NPAS1: variants seen among roughly 807,000 people sequenced by gnomAD.
NPAS1 encodes neuronal PAS domain-containing protein 1.
Under a neutral mutation model 49.2 loss-of-function variants are expected in NPAS1, and 29 were observed. That is an observed-to-expected ratio of 0.59 (90% CI 0.44 to 0.80). The LOEUF (loss-of-function observed/expected upper bound fraction) is 0.80, where lower values mean the gene tolerates loss of function less well. NPAS1 is among the 30% of genes least tolerant of loss of function. NPAS1 has a pLI of 0.00. For synonymous variants in NPAS1, 408 were observed against 380.4 expected (o/e 1.07, Z -0.84); for missense variants, 825 against 835.5 (o/e 0.99, Z 0.15).
In NPAS1 at chr19:47,032,411, A is replaced by T. The variant is rs543678430; in HGVS notation, c.432+60A>T. On this transcript the variant is annotated intron_variant, in intron 4 of 11. Coordinates refer to ENST00000602212, the MANE Select transcript of NPAS1 (RefSeq NM_002517.4). ...GCTACCACCTAGCGGCCGCCTCTGG[A>T]GAACAGCAGCCTCTTCAGCATCCAT... 32 of 1,551,068 alleles carry T rather than the reference A, an allele frequency of 2.1e-5. No individual in the cohort carries two copies. The South Asian group carries it at 3.2e-4, about 16-fold the overall frequency.
intron 10 of NPAS1, among the ~76,000 whole-genome samples, chr19:47,042,245 G>T (rs963153694): frequency 6.6e-6 from 1 of 151,880 alleles, no homozygotes; most frequent in Admixed American, 6.6e-5. Flanking sequence ...GGAGGTGGAG[G>T]TTGCAGTGAG....
At position 47,045,695 on chromosome 19, in the gene NPAS1, T is replaced by C; in HGVS notation, c.*44T>C. The C allele has an allele frequency of 7.3e-7, 1 of 1,369,608 alleles. No homozygotes were observed. Among genetic ancestry groups the C allele is most frequent in the Non-Finnish European group, 9.4e-7 (1 of 1,059,450 alleles). The allele number at this position is 1,369,608 out of a possible 1,614,324, so 84.8% of individuals were successfully genotyped here. ...GCGCCGGACCCTGCGACAACCGGGGTCCCCCAGGACAGTAGGCCCGGCTCT... is the reference window on the plus strand; with the variant it reads ...GCGCCGGACCCTGCGACAACCGGGGCCCCCCAGGACAGTAGGCCCGGCTCT... On this transcript the variant is annotated 3_prime_UTR_variant, in exon 12 of 12. Coordinates refer to ENST00000602212, the MANE Select transcript of NPAS1 (RefSeq NM_002517.4).
intron 1 of NPAS1, among the ~76,000 whole-genome samples, chr19:47,020,369 G>A (rs1248183930): frequency 6.6e-6 from 1 of 152,062 alleles, no homozygotes; most frequent in East Asian, 1.9e-4. Flanking sequence ...GGCTGCGGCG[G>A]CTGCGTCCGG....
At chr19:47,025,676 A>G (rs1482924723) in intron 3 of NPAS1, among the ~76,000 whole-genome samples, 1 of 151,826 alleles carries the variant, frequency 6.6e-6, no homozygotes, top group East Asian at 1.9e-4. Context: ...ACTAGGCTCA[A>G]GAGTTCCTCT....
In NPAS1 at chr19:47,021,271, T is replaced by C. The variant is rs1192956406; in HGVS notation, c.122+102T>C. The C allele has an allele frequency of 1.5e-5, 16 of 1,077,068 alleles. No homozygotes were observed. The highest frequency in any genetic ancestry group is 1.7e-5 in the South Asian group (1 of 58,544). 66.7% of individuals were successfully genotyped at this position (1,077,068 alleles called of 1,614,324 possible). A position where few individuals can be genotyped will look rare whatever the true frequency, so the allele number is the denominator to read the frequency against. ...AAGGGGCAGTTCACACCCAGCTCCCTGACCCGCCCCTTAGGGCTAGAAGGT... is the reference window on the plus strand; with the variant it reads ...AAGGGGCAGTTCACACCCAGCTCCCCGACCCGCCCCTTAGGGCTAGAAGGT... On this transcript the variant is annotated intron_variant, in intron 2 of 11. Transcript: ENST00000602212. The surrounding 1 kb of genome is among the most constrained non-coding windows in gnomAD (Gnocchi z 5.7).
chr19:47,041,331 G>C (rs918480448), intron 10 of NPAS1, among the ~76,000 whole-genome samples: 10 of 152,114 alleles, frequency 6.6e-5, no homozygotes. Context: ...GAGTCGCCAG[G>C]GGGAGGGGGA....
chr19:47,043,093 T>C (rs2057039141), intron 11 of NPAS1, among the ~76,000 whole-genome samples, 189 bp downstream of exon 11: 2 of 151,660 alleles, frequency 1.3e-5, no homozygotes, highest in African/African-American at 4.9e-5. Context: ...GATCACGAGG[T>C]CAAGAGATCA....
chr19:47,020,904 C>A (rs908129322), intron 1 of NPAS1, 102 bp from the exon 2 acceptor site: 8 of 423,692 alleles, frequency 1.9e-5, no homozygotes, highest in South Asian at 1.3e-4. Context: ...GCCCCCCCCC[C>A]CCCAGCTCCT....
In NPAS1 at chr19:47,045,688, A is replaced by C. The variant is rs911871617; in HGVS notation, c.*37A>C. Reference sequence around the variant, plus strand: ...GCTGCCGGCGCCGGACCCTGCGACAACCGGGGTCCCCCAGGACAGTAGGCC... The same window carrying C: ...GCTGCCGGCGCCGGACCCTGCGACACCCGGGGTCCCCCAGGACAGTAGGCC... On this transcript the variant is annotated 3_prime_UTR_variant, in exon 12 of 12. Coordinates refer to ENST00000602212, the MANE Select transcript of NPAS1 (RefSeq NM_002517.4). 2 of 1,371,890 alleles carry C rather than the reference A, an allele frequency of 1.5e-6. No homozygotes were observed. The highest frequency in any genetic ancestry group is 1.9e-6 in the Non-Finnish European group (2 of 1,060,894). 85.0% of individuals were successfully genotyped at this position (1,371,890 alleles called of 1,614,324 possible).
rs1388084154 is a variant in NPAS1, at chr19:47,041,088, G to A, written c.1180G>A (p.Gly394Arg). The change falls in exon 10 of 12, where the codon GGG becomes AGG. Residue 394 changes from glycine (G) to arginine (R), a missense_variant. Gly to Arg is a moderately radical substitution (Grantham distance 125, BLOSUM62 -2). Coordinates refer to ENST00000602212, the MANE Select transcript of NPAS1 (RefSeq NM_002517.4). ...AGTGGCTGGGAGCGGGAAGAGCCCC[G>A]GGGAGCACCATGTGCTTTGGGTCAG... ...ATVAGSGKSPGEHHVLWVSHV... is the reference protein window; with the variant it reads ...ATVAGSGKSPREHHVLWVSHV... The A allele has an allele frequency of 1.3e-5, 20 of 1,596,252 alleles. No individual in the cohort carries two copies. Among genetic ancestry groups the A allele is most frequent in the South Asian group, 3.4e-5 (3 of 88,566 alleles).
chr19:47,040,884 C>G, intron 9 of NPAS1, 94 bp from the exon 10 acceptor site: 1 of 1,106,980 alleles, frequency 9.0e-7, no homozygotes, highest in Non-Finnish European at 1.2e-6. Context: ...CTCCCCTGCT[C>G]TCACTCCTCC....
chr19:47,040,595 A>G, intron 9 of NPAS1, 45 bp downstream of exon 9: 1 of 1,352,822 alleles, frequency 7.4e-7, no homozygotes, highest in Non-Finnish European at 1.0e-6. Flanking sequence ...CACCCCCCAG[A>G]CCCGAGCATC....
chr19:47,032,142 C>G, intron 3 of NPAS1, 136 bp from the exon 4 acceptor site: 1 of 723,898 alleles, frequency 1.4e-6, no homozygotes, highest in African/African-American at 1.8e-5. Context: ...AGGTCTCTCC[C>G]CCATGGGTGC....
intron 3 of NPAS1, among the ~76,000 whole-genome samples, chr19:47,031,906 CT>C (rs761606749): frequency 1.8e-4 from 28 of 152,296 alleles, no homozygotes; most frequent in Admixed American, 3.3e-4. Flanking sequence ...TCAACTGCCC[CT>C]GGTCTGAGAG....
rs763416466 is a variant in NPAS1, at chr19:47,032,322, G to C, written c.403G>C (p.Glu135Gln). 24 of 1,613,992 alleles carry C rather than the reference G, an allele frequency of 1.5e-5. No homozygotes were observed. Among genetic ancestry groups the C allele is most frequent in the Admixed American group, 3.3e-5 (2 of 60,006 alleles). The change falls in exon 4 of 12, where the codon GAG becomes CAG. Residue 135 changes from glutamate to glutamine, a missense_variant. Transcript: ENST00000602212. ...CGCAGCGCTGGTCTCCGAAGTCTTC[G>C]AGCAGCACCTGGGAGGTCACATCTT... ...GPAALVSEVF[E>Q]QHLGGHILQS...
In NPAS1 at chr19:47,021,834, G is replaced by T. The variant is rs1420703986; in HGVS notation, c.345G>T (p.Pro115=). Residue 115 remains proline, a synonymous_variant, in exon 3 of 12, where the codon CCG becomes CCT. Coordinates refer to ENST00000602212, the MANE Select transcript of NPAS1 (RefSeq NM_002517.4). This position sits in a 1 kb window ranked among gnomAD's most constrained non-coding sequence, Gnocchi z 5.7. ...CCTGGGGGCTGAGAGCCGCGGGGCC[G>T]CCAGCTGGCCTCGGTGAGTGCTCAT... ...APPWGLRAAG[P]PAGLAPGRRG... The T allele has an allele frequency of 4.7e-6, 7 of 1,499,114 alleles. No individual in the cohort carries two copies. Among genetic ancestry groups the T allele is most frequent in the African/African-American group, 1.5e-5 (1 of 68,786 alleles). 92.9% of individuals were successfully genotyped at this position (1,499,114 alleles called of 1,614,324 possible). A position where few individuals can be genotyped will look rare whatever the true frequency, so the allele number is the denominator to read the frequency against.
At chr19:47,037,049 C>A (rs36004395) in intron 6 of NPAS1, among the ~76,000 whole-genome samples, 1 of 102,798 alleles carries the variant, frequency 9.7e-6, no homozygotes. Context: ...GAGCCAGTGT[C>A]TGGAAAAAAA....
chr19:47,033,244 A>ATT (rs373034169), intron 5 of NPAS1, among the ~76,000 whole-genome samples: 78 of 131,048 alleles, frequency 6.0e-4, no homozygotes, highest in African/African-American at 1.2e-3. Flanking sequence ...GATGAGGGCT[A>ATT]TTTTTTTTTT....
At chr19:47,031,389 G>A (rs1025981657) in intron 3 of NPAS1, among the ~76,000 whole-genome samples, 3 of 151,508 alleles carry the variant, frequency 2.0e-5, no homozygotes, top group Non-Finnish European at 2.9e-5. Context: ...TAGTAGGGAC[G>A]GTTTCACCAT....
Sources: gnomAD v4.1 joint callset for allele counts (sites outside exome capture counted in the v4.1 genomes callset) on GRCh38, gnomAD v4.1.1 for gene constraint, Gnocchi (gnomAD v3.1) non-coding constraint, MANE v1.5 for transcripts, NCBI Gene and HGNC (gene_info 2026-07-23, HGNC 2026-07-21) for gene names.